The following IMPA1 variants were observed in gnomAD, a reference collection of about 807,000 sequenced individuals.
IMPA1 encodes the protein D-galactose 1-phosphate phosphatase.
Under a neutral mutation model 34.9 loss-of-function variants are expected in IMPA1, and 21 were observed. The ratio of observed to expected loss-of-function variants is 0.60; its 90% CI spans 0.43 to 0.87. The LOEUF (loss-of-function observed/expected upper bound fraction) is 0.87, where lower values mean the gene tolerates loss of function less well. IMPA1 is among the 40% of genes least tolerant of loss of function. The pLI is 0.00. For synonymous variants in IMPA1, 95 were observed against 104.4 expected (o/e 0.91, Z 0.55); for missense variants, 299 against 336.4 (o/e 0.89, Z 0.87).
chr8:81,681,670 C>T, intron 1 of IMPA1, 86 bp from the exon 2 acceptor site: 1 of 760,842 alleles, frequency 1.3e-6, no homozygotes, highest in East Asian at 2.7e-5. Context: ...AACAGACTGT[C>T]ATTTCAGGAT....
chr8:81,661,285 G>A (rs1388357865), intron 7 of IMPA1, among the ~76,000 whole-genome samples: 5 of 152,160 alleles, frequency 3.3e-5, no homozygotes, highest in African/African-American at 1.2e-4. Context: ...TAAAATTAAT[G>A]GGTGAGTCTG....
At position 81,686,313 on chromosome 8, in the gene IMPA1, A is replaced by T; in HGVS notation, c.-86T>A. ...GTGTTACCGCACTCGTCTCTTCCGG[A>T]GGTAGAGGGGCTACTCGCAACAGGA... On this transcript the variant is annotated 5_prime_UTR_variant, in exon 1 of 9. Coordinates refer to ENST00000256108, the MANE Select transcript of IMPA1 (RefSeq NM_005536.4). 3 of 987,654 alleles carry T rather than the reference A, an allele frequency of 3.0e-6. No individual in the cohort carries two copies. The highest frequency in any genetic ancestry group is 3.6e-6 in the Non-Finnish European group (3 of 831,346). The allele number at this position is 987,654 out of a possible 1,614,324, so 61.2% of individuals were successfully genotyped here.
intron 1 of IMPA1, 61 bp downstream of exon 1, chr8:81,686,191 C>A: frequency 1.0e-6 from 1 of 999,564 alleles, no homozygotes; most frequent in Non-Finnish European, 1.2e-6. Context: ...AAGGGGCCTC[C>A]CTGGAAACCC....
intron 4 of IMPA1, 43 bp downstream of exon 4, chr8:81,679,083 T>G: frequency 7.9e-7 from 1 of 1,272,430 alleles, no homozygotes; most frequent in Non-Finnish European, 1.1e-6. Context: ...GTCAATCCAG[T>G]TAATATGCAA....
chr8:81,659,899 T>C (rs1806611672), intron 8 of IMPA1, among the ~76,000 whole-genome samples: 1 of 152,152 alleles, frequency 6.6e-6, no homozygotes, highest in South Asian at 2.1e-4. Context: ...AAAGCAATTA[T>C]TTAACTTCTC....
rs191443367 is a variant in IMPA1, at chr8:81,675,975, T to C, written c.348+259A>G. ...CCATCTGACTCTATCACACATATAA[T>C]GGTTACTAAATACTGAGTTGTATTT... On this transcript the variant is annotated intron_variant, in intron 5 of 8. Coordinates refer to ENST00000256108, the MANE Select transcript of IMPA1 (RefSeq NM_005536.4). 4.9e-3 allele frequency among the ~76,000 whole-genome samples: 753 copies of C among 152,366 alleles called. 3 individuals are homozygous for C. The highest frequency in any genetic ancestry group is 8.4e-3 in the Non-Finnish European group (571 of 68,030).
chr8:81,680,782 A>C lies in IMPA1; in HGVS notation c.65T>G (p.Val22Gly), dbSNP rs772368196. The C allele has an allele frequency of 3.8e-6, 6 of 1,593,892 alleles. No individual in the cohort carries two copies. The Admixed American group carries it at 1.1e-4, about 28-fold the overall frequency. Residue 22 changes from valine (V) to glycine (G), a missense_variant and splice_region_variant, in exon 3 of 9, where the codon GTA becomes GGA. Transcript: ENST00000256108. The part of the protein sequence containing the change: ...AVTLARQAGE[V>G]VCEAIKNEMN... ...TTCATTTTTTATAGCTTCACAAACT[A>C]CCTAAAAAGAGGTTTTGGTAAGCAA...
intron 8 of IMPA1, among the ~76,000 whole-genome samples, chr8:81,660,121 T>TA (rs893322951): frequency 5.9e-5 from 9 of 152,118 alleles, no homozygotes; most frequent in African/African-American, 1.9e-4. Flanking sequence ...GCTGATGAGC[T>TA]AAAAAAAATT....
chr8:81,676,151 GAATT>G (rs1336219337), intron 5 of IMPA1, 79 bp downstream of exon 5: 1 of 555,786 alleles, frequency 1.8e-6, no homozygotes, highest in Non-Finnish European at 3.0e-6. Context: ...AGACAAACCT[GAATT>G]TATTATGAAA....
chr8:81,673,563 C>G (rs139902862), intron 6 of IMPA1, among the ~76,000 whole-genome samples: 1 of 152,314 alleles, frequency 6.6e-6, no homozygotes, highest in African/African-American at 2.4e-5. Context: ...CTGATTGAGA[C>G]CTGTCTCAGA....
At chr8:81,673,358 T>C (rs1253338093) in intron 6 of IMPA1, among the ~76,000 whole-genome samples, 1 of 152,240 alleles carries the variant, frequency 6.6e-6, no homozygotes, top group Non-Finnish European at 1.5e-5. Flanking sequence ...TTTATCTACC[T>C]ATAACCTGAA....
At chr8:81,683,519 T>C (rs1359054872) in intron 1 of IMPA1, among the ~76,000 whole-genome samples, 5 of 152,110 alleles carry the variant, frequency 3.3e-5, no homozygotes, top group Admixed American at 6.6e-5. Context: ...AATCTGGATG[T>C]CCAGATTTCC....
intron 4 of IMPA1, among the ~76,000 whole-genome samples, chr8:81,678,133 T>C (rs1456462112): frequency 6.6e-6 from 1 of 151,912 alleles, no homozygotes; most frequent in Non-Finnish European, 1.5e-5. Context: ...CGTAAAAAAA[T>C]ACCAGAATGC....
At chr8:81,670,100 T>C (rs2130277009) in intron 7 of IMPA1, among the ~76,000 whole-genome samples, 1 of 152,344 alleles carries the variant, frequency 6.6e-6, no homozygotes, top group African/African-American at 2.4e-5. Context: ...ATTCCTTTTC[T>C]TTATACATAC....
intron 5 of IMPA1, among the ~76,000 whole-genome samples, chr8:81,675,383 A>G (rs952319013): frequency 2.6e-5 from 4 of 151,890 alleles, no homozygotes; most frequent in African/African-American, 9.7e-5. Flanking sequence ...GTGTTCCCAT[A>G]GTATTTTTTT....
chr8:81,660,821 T>C (rs1201094037), intron 7 of IMPA1, among the ~76,000 whole-genome samples, 154 bp from the exon 8 acceptor site: 1 of 152,120 alleles, frequency 6.6e-6, no homozygotes, highest in African/African-American at 2.4e-5. Flanking sequence ...AAAATAAAAA[T>C]ATGTATAAAT....
chr8:81,668,112 C>T (rs1391108953), intron 7 of IMPA1, among the ~76,000 whole-genome samples: 1 of 152,142 alleles, frequency 6.6e-6, no homozygotes, highest in African/African-American at 2.4e-5. Context: ...CGTGAGCCAC[C>T]ATGGCCAGCC....
At position 81,660,424 on chromosome 8, in the gene IMPA1, GTATAACA is replaced by G. The variant is rs372762505; in HGVS notation, c.718+85_718+91del. The stretch of plus-strand genomic sequence containing the variant: ...GCTTGTTTCTGCTTCAAAAACTGCA[GTATAACA>G]TATATCAAAAAGTTTTTTAAATTCT... On this transcript the variant is annotated intron_variant, in intron 8 of 8. Coordinates refer to ENST00000256108, the MANE Select transcript of IMPA1 (RefSeq NM_005536.4). 7.0e-5 allele frequency: 77 copies of G among 1,103,988 alleles called. No homozygotes were observed. In the East Asian group the frequency reaches 8.6e-4, roughly 12 times the overall value. The allele number at this position is 1,103,988 out of a possible 1,614,324, so 68.4% of individuals were successfully genotyped here.
intron 4 of IMPA1, among the ~76,000 whole-genome samples, chr8:81,677,690 A>G (rs974060056): frequency 6.6e-6 from 1 of 152,264 alleles, no homozygotes; most frequent in African/African-American, 2.4e-5. Context: ...TATTTTAACA[A>G]AAATAAGATA....
Sources: allele counts gnomAD v4.1 joint callset (sites outside exome capture counted in the v4.1 genomes callset), GRCh38; gene constraint gnomAD v4.1.1; transcripts MANE v1.5; gene names NCBI Gene and HGNC (gene_info 2026-07-23, HGNC 2026-07-21).